Variants in SYN2 observed in about 807,000 individuals in gnomAD.
The protein encoded by SYN2 is synapsin II.
A neutral mutation model predicts 50.9 loss-of-function variants in SYN2; 19 were observed. That is an observed-to-expected ratio of 0.37 (90% CI 0.26 to 0.55). SYN2 has a LOEUF of 0.55. Among genes scored for constraint, SYN2 ranks in the 20% least tolerant of loss-of-function variants. The probability of loss-of-function intolerance (pLI) is 0.81; values close to 1 mark genes in which losing one functional copy is unlikely to be tolerated. For missense variants in SYN2, 587 were observed against 576.4 expected (o/e 1.02, Z -0.19); for synonymous variants, 255 against 224.9 (o/e 1.13, Z -1.20).
chr3:12,189,542 C>T (rs1243338416), intron 12 of SYN2, among the ~76,000 whole-genome samples: 2 of 152,148 alleles, frequency 1.3e-5, no homozygotes, highest in East Asian at 3.9e-4. Flanking sequence ...GGTGCGGTGG[C>T]TCACGCCTCT....
intron 10 of SYN2, among the ~76,000 whole-genome samples, chr3:12,175,730 T>A (rs958423865): frequency 3.3e-5 from 5 of 152,198 alleles, no homozygotes; most frequent in Non-Finnish European, 7.3e-5. Context: ...GGATGGTGAT[T>A]AGAGGGCACA....
chr3:12,158,995 C>G (rs1477981285), intron 5 of SYN2: 1 of 1,126,776 alleles, frequency 8.9e-7, no homozygotes, highest in African/African-American at 1.6e-5. Context: ...TCCTTTGGCT[C>G]TAGGCCACCC....
chr3:12,106,712 G>A (rs1028429376), intron 1 of SYN2, among the ~76,000 whole-genome samples: 8 of 152,186 alleles, frequency 5.3e-5, no homozygotes, highest in African/African-American at 1.4e-4. Flanking sequence ...AAAACATTTA[G>A]CTAAATAAAT....
chr3:12,149,443 A>G (rs1697226805), intron 4 of SYN2, among the ~76,000 whole-genome samples: 1 of 152,210 alleles, frequency 6.6e-6, no homozygotes, highest in Admixed American at 6.5e-5. Context: ...CTTGACAGTT[A>G]AAGCAAATTG....
At chr3:12,144,772 G>T (rs1212621043) in intron 3 of SYN2, among the ~76,000 whole-genome samples, 2 of 152,166 alleles carry the variant, frequency 1.3e-5, no homozygotes, top group African/African-American at 2.4e-5. Context: ...TGTAATCCCA[G>T]CACTTTGGGA....
chr3:12,186,165 A>G (rs537268098), intron 11 of SYN2, among the ~76,000 whole-genome samples: 1 of 150,506 alleles, frequency 6.6e-6, no homozygotes, highest in African/African-American at 2.5e-5. Context: ...TAATACAACT[A>G]GCTGGTGCTG....
chr3:12,169,622 C>A, intron 9 of SYN2, 135 bp from the exon 10 acceptor site: 1 of 946,834 alleles, frequency 1.1e-6, no homozygotes, highest in Non-Finnish European at 1.5e-6. Flanking sequence ...GATCACACTT[C>A]CAGCTGAAGA....
chr3:12,053,854 A>T (rs1022011581), intron 1 of SYN2, among the ~76,000 whole-genome samples: 1 of 152,196 alleles, frequency 6.6e-6, no homozygotes, highest in Non-Finnish European at 1.5e-5. Flanking sequence ...ATATAATTAA[A>T]ATGATAAGTT....
At chr3:12,044,198 CACACACACACA>C (rs1694684562) in intron 1 of SYN2, among the ~76,000 whole-genome samples, 1 of 149,898 alleles carries the variant, frequency 6.7e-6, no homozygotes, top group Non-Finnish European at 1.5e-5. Context: ...CACACACACA[CACACACACACA>C]CACACACACA....
intron 1 of SYN2, among the ~76,000 whole-genome samples, chr3:12,120,160 A>G (rs1465051688): frequency 6.6e-6 from 1 of 152,218 alleles, no homozygotes. Context: ...CAAATCCCTG[A>G]CAATACAAAT....
At chr3:12,030,164 A>G (rs916083276) in intron 1 of SYN2, among the ~76,000 whole-genome samples, 4 of 102,390 alleles carry the variant, frequency 3.9e-5, no homozygotes, top group Non-Finnish European at 6.2e-5. Flanking sequence ...GGCTCTGTTT[A>G]TATGCTGGAT....
At chr3:12,069,147 TTTTG>T (rs1280765114) in intron 1 of SYN2, among the ~76,000 whole-genome samples, 2 of 152,246 alleles carry the variant, frequency 1.3e-5, no homozygotes, top group Non-Finnish European at 2.9e-5. Context: ...CTGTACCACA[TTTTG>T]TTTATTCATC....
chr3:12,187,702 C>G (rs1255909609), intron 12 of SYN2, 90 bp downstream of exon 12: 16 of 1,438,684 alleles, frequency 1.1e-5, no homozygotes, highest in Admixed American at 2.8e-5. Context: ...CACCTTCAAT[C>G]AGGTCTCCTC....
chr3:12,154,813 GA>G (rs1235208896), intron 5 of SYN2, among the ~76,000 whole-genome samples: 1 of 152,086 alleles, frequency 6.6e-6, no homozygotes, highest in African/African-American at 2.4e-5. Context: ...GCTGGAAGAT[GA>G]AAATTATAAA....
intron 1 of SYN2, among the ~76,000 whole-genome samples, chr3:12,026,051 T>G (rs970244583): frequency 2.0e-5 from 3 of 152,218 alleles, no homozygotes; most frequent in Admixed American, 2.0e-4. Flanking sequence ...TGTATGACCT[T>G]GAATACCACA....
chr3:12,108,752 A>G (rs757210901), intron 1 of SYN2, among the ~76,000 whole-genome samples: 1 of 151,758 alleles, frequency 6.6e-6, no homozygotes, highest in Non-Finnish European at 1.5e-5. Flanking sequence ...TGGGCATTGC[A>G]GTGGGGTCCT....
chr3:12,129,072 AT>A (rs935984494), intron 1 of SYN2, among the ~76,000 whole-genome samples: 1 of 152,244 alleles, frequency 6.6e-6, no homozygotes, highest in African/African-American at 2.4e-5. Context: ...ATCATAAAAA[AT>A]TTCAAAATAG....
chr3:12,149,670 TGAGGG>T (rs1173296944), intron 4 of SYN2, among the ~76,000 whole-genome samples: 1 of 152,132 alleles, frequency 6.6e-6, no homozygotes, highest in African/African-American at 2.4e-5. Flanking sequence ...CTTAGGGGCT[TGAGGG>T]TCCATGAATC....
intron 1 of SYN2, among the ~76,000 whole-genome samples, chr3:12,008,766 G>A (rs770059445): frequency 6.6e-6 from 1 of 152,230 alleles, no homozygotes; most frequent in Non-Finnish European, 1.5e-5. Flanking sequence ...GCTAGAGTGG[G>A]AATGGAAGGT....
Sources: allele counts gnomAD v4.1 joint callset (sites outside exome capture counted in the v4.1 genomes callset), GRCh38; gene constraint gnomAD v4.1.1; transcripts MANE v1.5; gene names NCBI Gene and HGNC (gene_info 2026-07-23, HGNC 2026-07-21).